Variants in ABCD2 observed in about 807,000 individuals in gnomAD.
ABCD2 encodes ATP binding cassette subfamily D member 2, also known as ATP-binding cassette sub-family D member 2.
In ABCD2, 36 loss-of-function variants were observed where a neutral mutation model predicts 70.9. The ratio of observed to expected loss-of-function variants is 0.51; its 90% CI spans 0.39 to 0.67. The LOEUF (loss-of-function observed/expected upper bound fraction) is 0.67, where lower values mean the gene tolerates loss of function less well. Among genes scored for constraint, ABCD2 ranks in the 30% least tolerant of loss-of-function variants. The pLI is 0.00. For synonymous variants in ABCD2, 304 were observed against 306.9 expected, an observed-to-expected ratio of 0.99 and a Z score of 0.10; for missense variants, 729 against 890.2, an observed-to-expected ratio of 0.82 and a Z score of 2.30.
At chr12:39,546,985 T>G (rs1941031355), downstream of ABCD2, among the ~76,000 whole-genome samples, 1 of 152,038 alleles carries the variant, frequency 6.6e-6, no homozygotes, top group South Asian at 2.1e-4. Context: ...GGGCCTTAAA[T>G]ACCATGAAAC....
chr12:39,577,399 T>C (rs1027088901), intron 8 of ABCD2, among the ~76,000 whole-genome samples: 2 of 152,198 alleles, frequency 1.3e-5, no homozygotes, highest in African/African-American at 4.8e-5. Flanking sequence ...AAAGGACCCC[T>C]ACCTAGATTT....
chr12:39,619,249 A>G lies in ABCD2; in HGVS notation c.367T>C (p.Tyr123His). The G allele has an allele frequency of 6.2e-7, 1 of 1,614,104 alleles. No homozygotes were observed. The highest frequency in any genetic ancestry group is 8.5e-7 in the Non-Finnish European group (1 of 1,180,004). Residue 123 changes from tyrosine to histidine, a missense_variant, in exon 1 of 10, where the codon TAT (tyrosine) becomes CAT (histidine). Physicochemically the swap from Tyr to His is moderately conservative, Grantham distance 83 (BLOSUM62 2). Transcript: ENST00000308666. ...ATTTTTCCATCCAGACCAGCCACAT[A>G]GATAGAAAGAAAGGTTCTTGAGATT... ...ALISRTFLSI[Y>H]VAGLDGKIVK...
At chr12:39,590,218 C>A (rs79697639) in intron 6 of ABCD2, among the ~76,000 whole-genome samples, 1 of 152,298 alleles carries the variant, frequency 6.6e-6, no homozygotes, top group South Asian at 2.1e-4. Flanking sequence ...CTTTACTAAA[C>A]TTTCCTTTCT....
At chr12:39,555,276 A>G (rs138065075) in intron 9 of ABCD2, among the ~76,000 whole-genome samples, 4 of 152,198 alleles carry the variant, frequency 2.6e-5, no homozygotes, top group African/African-American at 7.2e-5. Flanking sequence ...TTTCATATAC[A>G]TGGAATTATA....
chr12:39,617,741 G>C (rs1942136124), intron 1 of ABCD2, among the ~76,000 whole-genome samples: 1 of 152,100 alleles, frequency 6.6e-6, no homozygotes, highest in Admixed American at 6.5e-5. Context: ...TGCTATTAAA[G>C]ACACTGATAA....
intron 6 of ABCD2, among the ~76,000 whole-genome samples, chr12:39,590,595 A>G (rs867640010): frequency 2.0e-5 from 3 of 152,004 alleles, no homozygotes; most frequent in South Asian, 2.1e-4. Flanking sequence ...TCAAATGTAT[A>G]TATAGTTAAA....
the ABCD2 span, among the ~76,000 whole-genome samples, chr12:39,536,091 AAAAT>A: frequency 5.9e-4 from 90 of 152,374 alleles, no homozygotes; most frequent in African/African-American, 2.0e-3. Context: ...CTCCGTCTCA[AAAAT>A]AAATAAATAA....
In ABCD2 at chr12:39,556,759, G is replaced by C. The variant is rs1455191912; in HGVS notation, c.2004-2628C>G. 2.0e-5 allele frequency among the ~76,000 whole-genome samples: 3 copies of C among 152,082 alleles called. No individual in the cohort carries two copies. The East Asian group carries it at 5.8e-4, about 29-fold the overall frequency. ...CCCAGCACTTTGGGAGTCTGAGGCA[G>C]GTGGATCATGAGGTCAGGAGTTCAA... On this transcript the variant is annotated intron_variant, in intron 9 of 9. Transcript: ENST00000308666.
intron 6 of ABCD2, 43 bp from the exon 7 acceptor site, chr12:39,586,340 G>T: frequency 6.3e-7 from 1 of 1,583,948 alleles, no homozygotes; most frequent in South Asian, 1.2e-5. Flanking sequence ...GGAAAGTCAT[G>T]ATAACTTACT....
At chr12:39,568,735 G>A (rs975571909) in intron 9 of ABCD2, among the ~76,000 whole-genome samples, 3 of 152,118 alleles carry the variant, frequency 2.0e-5, no homozygotes, top group South Asian at 2.1e-4. Flanking sequence ...TTTCTGCTCT[G>A]TTTTTTCCCC....
intron 9 of ABCD2, among the ~76,000 whole-genome samples, chr12:39,565,661 C>G (rs1270884346): frequency 1.3e-5 from 2 of 152,130 alleles, no homozygotes; most frequent in Admixed American, 1.3e-4. Flanking sequence ...ACTTCTAACA[C>G]TATGTTGAAT....
intron 9 of ABCD2, among the ~76,000 whole-genome samples, chr12:39,566,619 T>A (rs1260100184): frequency 6.6e-6 from 1 of 152,198 alleles, no homozygotes; most frequent in Non-Finnish European, 1.5e-5. Context: ...GTTTTTTGTG[T>A]CTCTATTTCC....
At chr12:39,618,433 C>G (rs932805977) in intron 1 of ABCD2, among the ~76,000 whole-genome samples, 1 of 152,094 alleles carries the variant, frequency 6.6e-6, no homozygotes, top group Non-Finnish European at 1.5e-5. Context: ...GCTAAGTAGA[C>G]TTTTTTAGAG....
chr12:39,548,640 A>T (rs1018081228), downstream of ABCD2, among the ~76,000 whole-genome samples: 1 of 151,884 alleles, frequency 6.6e-6, no homozygotes, highest in Non-Finnish European at 1.5e-5. Context: ...AGTTTTATAC[A>T]TTTGTAGGTC....
intron 9 of ABCD2, among the ~76,000 whole-genome samples, chr12:39,573,104 A>T (rs1479311959): frequency 6.6e-6 from 1 of 152,170 alleles, no homozygotes; most frequent in Non-Finnish European, 1.5e-5. Context: ...CTTAAATAAG[A>T]TGTACCTGGA....
At chr12:39,541,581 A>C in the ABCD2 span, among the ~76,000 whole-genome samples, 1 of 152,236 alleles carries the variant, frequency 6.6e-6, no homozygotes, top group African/African-American at 2.4e-5. Context: ...TATGAAAAGT[A>C]ATTGAGAGAA....
At chr12:39,536,574 T>A in the ABCD2 span, among the ~76,000 whole-genome samples, 2 of 152,244 alleles carry the variant, frequency 1.3e-5, 1 homozygote, top group South Asian at 4.1e-4. Flanking sequence ...TACTGTGGAA[T>A]TCTTGGCTTT....
intron 6 of ABCD2, among the ~76,000 whole-genome samples, chr12:39,589,554 A>AT (rs1461564508): frequency 4.6e-5 from 7 of 151,686 alleles, no homozygotes; most frequent in South Asian, 2.1e-4. Context: ...CGCCTGGCTA[A>AT]TTTTTTGTAT....
At chr12:39,564,812 T>C (rs2120560390) in intron 9 of ABCD2, among the ~76,000 whole-genome samples, 1 of 152,278 alleles carries the variant, frequency 6.6e-6, no homozygotes, top group East Asian at 1.9e-4. Flanking sequence ...TTGTATAAGG[T>C]GTAAGGAAGG....
Sources: gnomAD v4.1 joint callset for allele counts (sites outside exome capture counted in the v4.1 genomes callset) on GRCh38, gnomAD v4.1.1 for gene constraint, MANE v1.5 for transcripts, NCBI Gene and HGNC (gene_info 2026-07-23, HGNC 2026-07-21) for gene names.